MAML3: variants seen among roughly 807,000 people sequenced by gnomAD.
The protein encoded by MAML3 is mastermind-like protein 3.
MAML3 carries 27 observed loss-of-function variants against 101.9 expected under a neutral mutation model. That is an observed-to-expected ratio of 0.27 (90% confidence interval 0.20 to 0.37). The LOEUF (loss-of-function observed/expected upper bound fraction) is 0.37, where lower values mean the gene tolerates loss of function less well. Ranked by LOEUF, MAML3 falls within the 10% of genes least tolerant of loss-of-function variation. The pLI, the probability that MAML3 is intolerant of heterozygous loss-of-function variation, is 1.00. For missense variants in MAML3, 1,316 were observed against 1,444.9 expected (o/e 0.91, Z 1.45); for synonymous variants, 501 against 555.9 (o/e 0.90, Z 1.39).
intron 1 of MAML3, among the ~76,000 whole-genome samples, chr4:139,983,131 A>G (rs78705454): frequency 0.018 from 2,741 of 152,288 alleles, 100 homozygotes; most frequent in African/African-American, 0.062. Context: ...ATTTCCACAC[A>G]TTAAGGTACA....
chr4:139,819,969 A>G (rs961222195), intron 2 of MAML3, among the ~76,000 whole-genome samples: 4 of 152,190 alleles, frequency 2.6e-5, no homozygotes, highest in African/African-American at 9.7e-5. Context: ...CATTCAGGCA[A>G]TGGTGCTGTA....
At chr4:139,786,454 T>C (rs1193343474) in intron 2 of MAML3, among the ~76,000 whole-genome samples, 2 of 152,146 alleles carry the variant, frequency 1.3e-5, no homozygotes, top group Admixed American at 6.5e-5. Flanking sequence ...TCAGCCCAGA[T>C]GCTAATTTCA....
intron 2 of MAML3, among the ~76,000 whole-genome samples, chr4:139,806,685 A>G (rs1366765335): frequency 2.6e-5 from 4 of 152,220 alleles, no homozygotes; most frequent in African/African-American, 9.6e-5. Context: ...GTAAACAACT[A>G]AAATGTTCAA....
At chr4:140,108,436 C>A (rs1471141504) in intron 1 of MAML3, among the ~76,000 whole-genome samples, 1 of 151,704 alleles carries the variant, frequency 6.6e-6, no homozygotes, top group African/African-American at 2.4e-5. Flanking sequence ...TTTCTTGAAA[C>A]CACAGATCAA....
At chr4:139,888,535 C>A (rs145603152) in intron 2 of MAML3, 9,146 of 518,908 alleles carry the variant, frequency 0.018, 496 homozygotes, top group Admixed American at 0.12. Flanking sequence ...TGGCTGTTTG[C>A]CACTGGTCAG....
chr4:139,946,121 T>A (rs1346539304), intron 1 of MAML3, among the ~76,000 whole-genome samples: 1 of 152,236 alleles, frequency 6.6e-6, no homozygotes, highest in Non-Finnish European at 1.5e-5. Context: ...GTAAAAGAAT[T>A]CATCTTAGTT....
chr4:139,886,001 C>G (rs376953389), intron 2 of MAML3, among the ~76,000 whole-genome samples: 1 of 119,322 alleles, frequency 8.4e-6, no homozygotes, highest in Non-Finnish European at 1.8e-5. Context: ...AATATAAGAA[C>G]AAAGAAATAA....
chr4:140,039,949 A>G (rs1727053171), intron 1 of MAML3, among the ~76,000 whole-genome samples: 1 of 152,236 alleles, frequency 6.6e-6, no homozygotes, highest in East Asian at 1.9e-4. Context: ...GGAGCGGGCA[A>G]ACAACGCACA....
chr4:139,936,902 T>A (rs1357333972), intron 1 of MAML3, among the ~76,000 whole-genome samples: 2 of 152,170 alleles, frequency 1.3e-5, no homozygotes, highest in African/African-American at 2.4e-5. Flanking sequence ...TAGAAATTCA[T>A]CTTGCTCAAG....
intron 1 of MAML3, among the ~76,000 whole-genome samples, chr4:140,128,916 G>T (rs552964945): frequency 9.8e-4 from 149 of 152,208 alleles, no homozygotes; most frequent in Non-Finnish European, 1.5e-3. Flanking sequence ...CTTCCATCAC[G>T]CTCCACTAGC....
intron 2 of MAML3, among the ~76,000 whole-genome samples, chr4:139,778,562 C>T (rs1323079562): frequency 6.6e-6 from 1 of 152,214 alleles, no homozygotes; most frequent in African/African-American, 2.4e-5. Flanking sequence ...ATTGAAGTTA[C>T]TATTTTCCTT....
At chr4:140,132,428 T>G (rs1728810739) in intron 1 of MAML3, among the ~76,000 whole-genome samples, 1 of 152,224 alleles carries the variant, frequency 6.6e-6, no homozygotes, top group Non-Finnish European at 1.5e-5. Context: ...CTCACAGCTG[T>G]GCAGTCAAGA....
intron 1 of MAML3, among the ~76,000 whole-genome samples, chr4:140,121,947 G>GT (rs1560900275): frequency 6.6e-6 from 1 of 152,028 alleles, no homozygotes; most frequent in Non-Finnish European, 1.5e-5. Context: ...AGATCTGATG[G>GT]TTTTATAAGG....
chr4:140,007,975 A>C (rs1215137957), intron 1 of MAML3, among the ~76,000 whole-genome samples: 1 of 152,218 alleles, frequency 6.6e-6, no homozygotes, highest in Non-Finnish European at 1.5e-5. Context: ...CAGCGTTGTC[A>C]ATTTGTACTG....
chr4:140,010,084 T>G (rs963356327), intron 1 of MAML3, among the ~76,000 whole-genome samples: 14 of 152,226 alleles, frequency 9.2e-5, no homozygotes, highest in Admixed American at 1.3e-4. Flanking sequence ...AATTTTACCC[T>G]TACATGTATG....
chr4:139,725,647 T>A, intron 4 of MAML3, 104 bp downstream of exon 4: 2 of 1,134,250 alleles, frequency 1.8e-6, no homozygotes, highest in Non-Finnish European at 2.6e-6. Context: ...TTTTGAGTAT[T>A]TCCTGGACAC....
intron 2 of MAML3, among the ~76,000 whole-genome samples, chr4:139,853,829 AT>A (rs66569845): frequency 2.7e-5 from 4 of 149,722 alleles, no homozygotes; most frequent in Non-Finnish European, 1.5e-5. Context: ...TTTTATTTTT[AT>A]TTTTTTTTTG....
intron 2 of MAML3, among the ~76,000 whole-genome samples, chr4:139,829,272 GAAAAGAA>G (rs1450191772): frequency 1.3e-5 from 2 of 151,698 alleles, no homozygotes; most frequent in African/African-American, 4.9e-5. Context: ...AAGAAAGAAA[GAAAAGAA>G]AAAAGAAAAG....
intron 2 of MAML3, among the ~76,000 whole-genome samples, chr4:139,758,531 G>A (rs1274652011): frequency 3.9e-5 from 6 of 152,126 alleles, no homozygotes; most frequent in Non-Finnish European, 7.4e-5. Flanking sequence ...CTGAAACCTC[G>A]ATTTGTATGA....
Sources: allele counts gnomAD v4.1 joint callset (sites outside exome capture counted in the v4.1 genomes callset), GRCh38; gene constraint gnomAD v4.1.1; transcripts MANE v1.5; gene names NCBI Gene and HGNC (gene_info 2026-07-23, HGNC 2026-07-21).